Variants in ZNF519 observed in about 807,000 individuals in gnomAD.
The protein encoded by ZNF519 is similar to Zinc finger protein 85 (Zinc finger protein HPF4) (HTF1).
Under a neutral mutation model 7.4 loss-of-function variants are expected in ZNF519, and 7 were observed. That is an observed-to-expected ratio of 0.94 (90% CI 0.54 to 1.77). The LOEUF (loss-of-function observed/expected upper bound fraction) is 1.77. ZNF519 is among the 40% of genes most tolerant of loss of function. ZNF519 has a pLI of 0.00. For missense variants in ZNF519, 586 were observed against 623.1 expected, an observed-to-expected ratio of 0.94 and a Z score of 0.63; for synonymous variants, 179 against 203.3, an observed-to-expected ratio of 0.88 and a Z score of 1.02.
chr18:14,123,577 G>A (rs2046280452), intron 2 of ZNF519, among the ~76,000 whole-genome samples: 1 of 152,108 alleles, frequency 6.6e-6, no homozygotes, highest in Non-Finnish European at 1.5e-5. Flanking sequence ...AAATTAGCCA[G>A]GCGTGGTGGT....
At chr18:14,095,816 G>C (rs370871601), downstream of ZNF519, among the ~76,000 whole-genome samples, 8 of 152,228 alleles carry the variant, frequency 5.3e-5, no homozygotes, top group East Asian at 1.5e-3. Context: ...GCCCAGGACT[G>C]GGGGAGAAAA....
chr18:14,124,572 T>G, intron 1 of ZNF519, 96 bp from the exon 2 acceptor site: 1 of 1,422,104 alleles, frequency 7.0e-7, no homozygotes, highest in Non-Finnish European at 9.7e-7. Flanking sequence ...TGACTAGGAT[T>G]ATCTGATAAA....
At chr18:14,114,461 T>A (rs947096399) in intron 2 of ZNF519, among the ~76,000 whole-genome samples, 6 of 152,208 alleles carry the variant, frequency 3.9e-5, no homozygotes, top group African/African-American at 9.7e-5. Context: ...TATGGATTTA[T>A]CTCTGCGTTC....
intron 1 of ZNF519, 23 bp downstream of exon 1, chr18:14,132,252 T>G (rs2846968): frequency 2.2e-5 from 35 of 1,613,662 alleles, no homozygotes; most frequent in Non-Finnish European, 2.3e-5. Context: ...CCAGTCTCGG[T>G]ACGCCCTGCC....
chr18:14,088,359 CT>C (rs1461950448), intron 2 of ZNF519, among the ~76,000 whole-genome samples: 3 of 152,274 alleles, frequency 2.0e-5, no homozygotes, highest in African/African-American at 4.8e-5. Flanking sequence ...GTCAGTTCCC[CT>C]GATCAATAAC....
chr18:14,113,412 C>G (rs1162792174), intron 2 of ZNF519, among the ~76,000 whole-genome samples: 1 of 152,200 alleles, frequency 6.6e-6, no homozygotes, highest in Non-Finnish European at 1.5e-5. Context: ...TGAGTTGTCC[C>G]ACCTTTCCAG....
chr18:14,132,235 C>A, intron 1 of ZNF519, 40 bp downstream of exon 1: 1 of 1,612,560 alleles, frequency 6.2e-7, no homozygotes, highest in Admixed American at 1.7e-5. Context: ...TCCAAGGAGC[C>A]CCCTCCCCAG....
intron 2 of ZNF519, among the ~76,000 whole-genome samples, chr18:14,092,426 G>C (rs1257470346): frequency 2.0e-5 from 3 of 152,158 alleles, no homozygotes; most frequent in Non-Finnish European, 4.4e-5. Context: ...TATAAGTGTA[G>C]GACTTAGAGG....
At chr18:14,127,484 A>C (rs1228761470) in intron 1 of ZNF519, among the ~76,000 whole-genome samples, 1 of 152,198 alleles carries the variant, frequency 6.6e-6, no homozygotes, top group African/African-American at 2.4e-5. Context: ...CCTCTCATGG[A>C]GGCTCCTTCA....
chr18:14,083,425 T>C (rs1214696630), intron 3 of ZNF519, among the ~76,000 whole-genome samples: 1 of 152,194 alleles, frequency 6.6e-6, no homozygotes, highest in Non-Finnish European at 1.5e-5. Context: ...AGTCACTCCA[T>C]GAACAAGGTT....
chr18:14,124,140 T>C (rs1486345394), intron 2 of ZNF519: 2 of 322,584 alleles, frequency 6.2e-6, no homozygotes, highest in African/African-American at 4.7e-5. Context: ...GCCATTGCAC[T>C]CCAGCCTGGG....
Position 14,116,831 on chromosome 18 carries a change from AC to A in ZNF519, c.130+7518del, listed in dbSNP as rs568598049. Among the ~76,000 whole-genome samples, 61 of 152,246 alleles carry A rather than the reference AC, an allele frequency of 4.0e-4. 1 individual carries two copies. The South Asian group carries it at 8.5e-3, about 21-fold the overall frequency. The stretch of plus-strand genomic sequence containing the variant: ...AAACCAGCCTGACCAACAGGGTGAA[AC>A]CCTGTCTCTACTAAAAATATTTTTA... On this transcript the variant is annotated intron_variant, in intron 2 of 2. Transcript: ENST00000590202.
intron 2 of ZNF519, among the ~76,000 whole-genome samples, chr18:14,110,569 C>T (rs995785229): frequency 9.9e-5 from 15 of 151,852 alleles, no homozygotes; most frequent in African/African-American, 1.7e-4. Context: ...ATACGAACAC[C>T]GAACAATAAT....
At position 14,115,614 on chromosome 18, in the gene ZNF519, T is replaced by A. The variant is rs575580717; in HGVS notation, c.130+8736A>T. Among the ~76,000 whole-genome samples the A allele has an allele frequency of 8.5e-5, 13 of 152,260 alleles. 1 individual carries two copies. In the South Asian group the frequency reaches 2.7e-3, roughly 32 times the overall value. ...ATATATTATCAAATGAAGAGTAATC[T>A]GCACATCCATATTCACTGTAGTATT... is the stretch of plus-strand genomic sequence containing the variant. On this transcript the variant is annotated intron_variant, in intron 2 of 2. Coordinates refer to ENST00000590202, the MANE Select transcript of ZNF519 (RefSeq NM_145287.4).
rs566379668 is a variant in ZNF519, at chr18:14,113,433, C to A, written c.131-7024G>T. On this transcript the variant is annotated intron_variant, in intron 2 of 2. Coordinates refer to ENST00000590202, the MANE Select transcript of ZNF519 (RefSeq NM_145287.4). ...GTCCCACCTTTCCAGACTGAACCAA[C>A]GTACAACTTACACATACTGAAGTCT... is the stretch of plus-strand genomic sequence containing the variant. 6.0e-4 allele frequency among the ~76,000 whole-genome samples: 92 copies of A among 152,330 alleles called. 1 individual carries two copies. The South Asian group carries it at 0.011, about 19-fold the overall frequency.
intron 3 of ZNF519, among the ~76,000 whole-genome samples, chr18:14,081,667 G>A (rs1187469113): frequency 6.6e-6 from 1 of 151,958 alleles, no homozygotes. Flanking sequence ...CTTAAATTAG[G>A]GACTCCATTT....
chr18:14,129,011 G>A (rs1202142752), intron 1 of ZNF519, among the ~76,000 whole-genome samples: 1 of 152,024 alleles, frequency 6.6e-6, no homozygotes, highest in East Asian at 1.9e-4. Context: ...GAGGATTTGT[G>A]GGGAAGAAAA....
chr18:14,115,266 G>C (rs909809762), intron 2 of ZNF519, among the ~76,000 whole-genome samples: 20 of 152,224 alleles, frequency 1.3e-4, no homozygotes, highest in African/African-American at 4.8e-4. Flanking sequence ...AAGAAGTGTG[G>C]AGTATGTGTC....
intron 2 of ZNF519, among the ~76,000 whole-genome samples, chr18:14,110,846 A>T (rs1165722874): frequency 6.6e-6 from 1 of 152,174 alleles, no homozygotes; most frequent in Non-Finnish European, 1.5e-5. Context: ...ATCTACGAGG[A>T]TGCAAAGGCA....
Sources: allele counts gnomAD v4.1 joint callset (sites outside exome capture counted in the v4.1 genomes callset), GRCh38; gene constraint gnomAD v4.1.1; transcripts MANE v1.5; gene names NCBI Gene and HGNC (gene_info 2026-07-23, HGNC 2026-07-21).